The following EFCAB6 variants were observed in gnomAD, a reference collection of about 807,000 sequenced individuals.
The protein encoded by EFCAB6 is EF-hand calcium binding domain 6.
In EFCAB6, 156 loss-of-function variants were observed where a neutral mutation model predicts 169.8. That is an observed-to-expected ratio of 0.92 (90% CI 0.81 to 1.05). The LOEUF is 1.05. Among genes scored for constraint, EFCAB6 ranks in the 50% least tolerant of loss-of-function variants. EFCAB6 has a pLI of 0.00. For synonymous variants in EFCAB6, 698 were observed against 676.4 expected (o/e 1.03, Z -0.50); for missense variants, 1,800 against 1,829.1 (o/e 0.98, Z 0.29).
At chr22:43,658,854 T>C (rs530851721) in intron 17 of EFCAB6, among the ~76,000 whole-genome samples, 24 of 152,224 alleles carry the variant, frequency 1.6e-4, no homozygotes, top group African/African-American at 5.1e-4. Flanking sequence ...AGGAAGCTGT[T>C]TGGAACAGGA....
intron 12 of EFCAB6, among the ~76,000 whole-genome samples, chr22:43,681,069 A>G (rs1249839846): frequency 1.3e-5 from 2 of 152,158 alleles, no homozygotes; most frequent in African/African-American, 2.4e-5. Flanking sequence ...TCAGTCTTTT[A>G]CCATTAACTG....
At chr22:43,529,061 C>T in intron 31 of EFCAB6, 86 bp from the exon 32 acceptor site, 1 of 1,411,570 alleles carries the variant, frequency 7.1e-7, no homozygotes, top group Non-Finnish European at 9.5e-7. Context: ...CTGGGGGACA[C>T]ATCCACCTGA....
intron 2 of EFCAB6, among the ~76,000 whole-genome samples, chr22:43,785,518 A>T (rs2148069059): frequency 6.6e-6 from 1 of 152,226 alleles, no homozygotes; most frequent in South Asian, 2.1e-4. Flanking sequence ...AACAGTGCTT[A>T]GATGAAAATT....
At chr22:43,784,572 TAC>T (rs749014483) in intron 2 of EFCAB6, among the ~76,000 whole-genome samples, 12,532 of 78,924 alleles carry the variant, frequency 0.16, 2,220 homozygotes, top group South Asian at 0.25. Flanking sequence ...TATATATGTG[TAC>T]ATATACACAT....
intron 10 of EFCAB6, among the ~76,000 whole-genome samples, chr22:43,697,054 A>G (rs2058601586): frequency 6.6e-6 from 1 of 152,254 alleles, no homozygotes; most frequent in South Asian, 2.1e-4. Flanking sequence ...TGCAACCTCA[A>G]TATAAATCAA....
intron 5 of EFCAB6, among the ~76,000 whole-genome samples, chr22:43,756,419 G>A (rs1018918270): frequency 1.2e-4 from 18 of 152,124 alleles, no homozygotes; most frequent in African/African-American, 2.7e-4. Context: ...CATCTATACC[G>A]TCCCTGGGTT....
rs549940827 is a variant in EFCAB6, at chr22:43,760,782, C to T, written c.440+4523G>A. Among the ~76,000 whole-genome samples, 12 of 152,222 alleles carry T rather than the reference C, an allele frequency of 7.9e-5. No individual in the cohort carries two copies. In the East Asian group the frequency reaches 2.3e-3, roughly 29 times the overall value. ...CAAGTGATTCTCCTGCCTCAGCCTC[C>T]CAAGCAAGTAGCTAGGACCACAGGC... On this transcript the variant is annotated intron_variant, in intron 5 of 31. Transcript: ENST00000262726.
At chr22:43,646,513 A>G (rs1165890962) in intron 17 of EFCAB6, among the ~76,000 whole-genome samples, 2 of 152,256 alleles carry the variant, frequency 1.3e-5, no homozygotes, top group Non-Finnish European at 2.9e-5. Flanking sequence ...ATATAGAAAT[A>G]GATGTATAAA....
Position 43,667,113 on chromosome 22 carries a change from G to C in EFCAB6, c.1974C>G (p.Asp658Glu), listed in dbSNP as rs769576380. 6.2e-7 allele frequency: 1 copy of C among 1,613,852 alleles called. No individual in the cohort carries two copies. The highest frequency in any genetic ancestry group is 1.1e-5 in the South Asian group (1 of 91,028). Residue 658 changes from aspartate (D) to glutamate (E), a missense_variant, in exon 17 of 32, where the codon GAC becomes GAG. Physicochemically the swap from Asp to Glu is conservative, Grantham distance 45. Transcript: ENST00000262726. ...AAACCCATTCTCCTACCTTCTTAAAGTCATGCACGTTAATTTTTCCATTAG... is the reference window on the plus strand; with the variant it reads ...AAACCCATTCTCCTACCTTCTTAAACTCATGCACGTTAATTTTTCCATTAG... The part of the protein sequence containing the change: ...KEPNGKINVH[D>E]FKKVLEDTGM...
chr22:43,788,588 T>G (rs1014732307), intron 2 of EFCAB6, among the ~76,000 whole-genome samples: 2 of 152,204 alleles, frequency 1.3e-5, no homozygotes, highest in Non-Finnish European at 2.9e-5. Flanking sequence ...TAACAAGTAT[T>G]GGCAAGATTA....
At chr22:43,580,971 T>C (rs141996831) in intron 24 of EFCAB6, among the ~76,000 whole-genome samples, 121 of 152,164 alleles carry the variant, frequency 8.0e-4, no homozygotes, top group East Asian at 2.7e-3. Flanking sequence ...TTGCAGAAGA[T>C]GGTAAGGGAG....
In EFCAB6 at chr22:43,590,054, T is replaced by G; in HGVS notation, c.3032+20A>C. On this transcript the variant is annotated intron_variant, in intron 24 of 31. Coordinates refer to ENST00000262726, the MANE Select transcript of EFCAB6 (RefSeq NM_022785.4). ...TTTTTCAGGGCCATGAGAAACATAT[T>G]TAACTGAGTCCAAAAAGACCTGTTT... 1 of 1,608,398 alleles carries G rather than the reference T, an allele frequency of 6.2e-7. No individual in the cohort carries two copies. Among genetic ancestry groups the G allele is most frequent in the South Asian group, 1.1e-5 (1 of 89,642 alleles).
At chr22:43,802,423 A>C (rs2062756792) in intron 2 of EFCAB6, 2 of 215,914 alleles carry the variant, frequency 9.3e-6, no homozygotes, top group South Asian at 1.4e-4. Flanking sequence ...CCAGCTACTC[A>C]GGGAGGCTGA....
intron 24 of EFCAB6, among the ~76,000 whole-genome samples, chr22:43,589,571 T>C (rs1200558503): frequency 6.6e-6 from 1 of 152,120 alleles, no homozygotes; most frequent in East Asian, 1.9e-4. Context: ...GCGGATCACC[T>C]GAGGTCAGGA....
At chr22:43,802,703 A>T in intron 2 of EFCAB6, 1 of 507,352 alleles carries the variant, frequency 2.0e-6, no homozygotes, top group Non-Finnish European at 3.9e-6. Flanking sequence ...CAAGGAGGAG[A>T]ATAACCCTGC....
intron 26 of EFCAB6, among the ~76,000 whole-genome samples, chr22:43,557,983 T>C (rs943208631): frequency 2.0e-5 from 3 of 152,208 alleles, no homozygotes; most frequent in African/African-American, 7.2e-5. Flanking sequence ...ATGGATGAAC[T>C]ATATATAAAT....
chr22:43,612,287 GA>G (rs1180326802), intron 21 of EFCAB6, among the ~76,000 whole-genome samples: 1 of 152,066 alleles, frequency 6.6e-6, no homozygotes. Context: ...CATGACGAAA[GA>G]AAAAATTGAC....
At chr22:43,693,420 C>A (rs1177420073) in intron 10 of EFCAB6, among the ~76,000 whole-genome samples, 1 of 150,862 alleles carries the variant, frequency 6.6e-6, no homozygotes, top group African/African-American at 2.4e-5. Context: ...AAATATTTAA[C>A]CAGCAATCAT....
chr22:43,767,830 TCCA>T (rs2061362486), intron 4 of EFCAB6, among the ~76,000 whole-genome samples: 3 of 152,116 alleles, frequency 2.0e-5, no homozygotes, highest in African/African-American at 7.2e-5. Flanking sequence ...GATGATAGTC[TCCA>T]AAGCTAAGCC....
Sources: gnomAD v4.1 joint callset for allele counts (sites outside exome capture counted in the v4.1 genomes callset) on GRCh38, gnomAD v4.1.1 for gene constraint, MANE v1.5 for transcripts, NCBI Gene and HGNC (gene_info 2026-07-23, HGNC 2026-07-21) for gene names.